POGK: variants seen among roughly 807,000 people sequenced by gnomAD.
The protein encoded by POGK is pogo transposable element derived with KRAB domain, also known as pogo transposable element with KRAB domain.
A neutral mutation model predicts 54.4 loss-of-function variants in POGK; 16 were observed. That is an observed-to-expected ratio of 0.29 (90% confidence interval 0.20 to 0.45). POGK has a LOEUF of 0.45. Among genes scored for constraint, POGK ranks in the 20% least tolerant of loss-of-function variants. The probability of loss-of-function intolerance (pLI) is 1.00; values close to 1 mark genes in which losing one functional copy is unlikely to be tolerated. For missense variants in POGK, 515 were observed against 795.6 expected (o/e 0.65, Z 4.24); for synonymous variants, 271 against 302.2 (o/e 0.90, Z 1.07).
rs962868946 is a variant in POGK, at chr1:166,849,161, G to C, written c.582G>C (p.Arg194=). Residue 194 remains arginine, a synonymous_variant, in exon 5 of 6, where the codon CGG becomes CGC. Transcript: ENST00000367876. ...TAGCTGGGAAGTTTCAGTTCAGCCG[G>C]GGCATGCGCCGCAGTTACGACGCAG... is the stretch of plus-strand genomic sequence containing the variant. ...DDIAGKFQFS[R]GMRRSYDAGF... is the part of the protein sequence containing the mutation. 3.1e-6 allele frequency: 5 copies of C among 1,614,078 alleles called. No homozygotes were observed. Among genetic ancestry groups the C allele is most frequent in the Non-Finnish European group, 3.4e-6 (4 of 1,180,046 alleles).
rs1161689476 is a variant in POGK, at chr1:166,854,596, TTC to T, written c.*2027_*2028del. 6.6e-6 allele frequency: 1 copy of T among 152,210 alleles called. No homozygotes were observed. The highest frequency in any genetic ancestry group is 2.4e-5 in the African/African-American group (1 of 41,442). The allele number at this position is 152,210 out of a possible 1,614,324, so 9.4% of individuals were successfully genotyped here. On this transcript the variant is annotated 3_prime_UTR_variant, in exon 6 of 6. Transcript: ENST00000367876. ...TATTACATCTTTCAGTCAAAAAGTG[TTC>T]ATGAGATGCAGTGTAAGTAATATTG...
At position 166,850,000 on chromosome 1, in the gene POGK, G is replaced by A. The variant is rs755306447; in HGVS notation, c.1421G>A (p.Arg474Gln). The A allele has an allele frequency of 2.5e-6, 4 of 1,614,190 alleles. No individual in the cohort carries two copies. Among genetic ancestry groups the A allele is most frequent in the Non-Finnish European group, 2.5e-6 (3 of 1,180,030 alleles). ...GGGATGCTGATCTTGAATGGCTTCC[G>A]GGGCCATGCCACAGATTCCGTGAAG... is the stretch of plus-strand genomic sequence containing the variant. ...QRGMLILNGF[R>Q]GHATDSVKNS... The change falls in exon 5 of 6, where the codon CGG (arginine) becomes CAG (glutamine). Residue 474 changes from arginine to glutamine, a missense_variant. Arg to Gln is a conservative substitution (Grantham distance 43). Transcript: ENST00000367876.
Position 166,855,912 on chromosome 1 carries a change from T to A in POGK, c.*3342T>A, listed in dbSNP as rs1379842779. 1 of 152,266 alleles carries A rather than the reference T, an allele frequency of 6.6e-6. No individual in the cohort carries two copies. Among genetic ancestry groups the A allele is most frequent in the East Asian group, 1.9e-4 (1 of 5,202 alleles). The allele number at this position is 152,266 out of a possible 1,614,324, so 9.4% of individuals were successfully genotyped here. On this transcript the variant is annotated 3_prime_UTR_variant, in exon 6 of 6. Coordinates refer to ENST00000367876, the MANE Select transcript of POGK (RefSeq NM_017542.5). The stretch of plus-strand genomic sequence containing the variant: ...AAAAAACTATATTCGAGTATCAGTT[T>A]AAATTCTTCCAAGCCCTAAAAATTC...
chr1:166,847,610 G>A lies in POGK; in HGVS notation c.358+18G>A, dbSNP rs778792319. The A allele has an allele frequency of 1.4e-5, 22 of 1,585,916 alleles. No individual in the cohort carries two copies. The highest frequency in any genetic ancestry group is 3.4e-5 in the Admixed American group (2 of 59,630). The stretch of plus-strand genomic sequence containing the variant: ...CTCTGCAGGTACTACAAGTAAAGCA[G>A]TTCAGCGTCCATCCAGCTGGGAACA... On this transcript the variant is annotated intron_variant, in intron 4 of 5. Transcript: ENST00000367876.
chr1:166,850,558 A>C, intron 5 of POGK, 135 bp downstream of exon 5: 1 of 916,274 alleles, frequency 1.1e-6, no homozygotes, highest in Non-Finnish European at 1.5e-6. Flanking sequence ...GGGGTCCCCA[A>C]CCCCCAGGTC....
At position 166,849,192 on chromosome 1, in the gene POGK, A is replaced by G. The variant is rs1489715565; in HGVS notation, c.613A>G (p.Lys205Glu). ...GCGCCGCAGTTACGACGCAGGGTTC[A>G]AGCTGATGGTAGTGGAATATGCTGA... ...GMRRSYDAGF[K>E]LMVVEYAEST... Residue 205 changes from lysine to glutamate, a missense_variant, in exon 5 of 6, where the codon AAG becomes GAG. Coordinates refer to ENST00000367876, the MANE Select transcript of POGK (RefSeq NM_017542.5). 6.2e-7 allele frequency: 1 copy of G among 1,614,106 alleles called. No individual in the cohort carries two copies. The highest frequency in any genetic ancestry group is 8.5e-7 in the Non-Finnish European group (1 of 1,180,052).
chr1:166,843,110 GAGTCTT>G (rs1657607667), intron 2 of POGK, among the ~76,000 whole-genome samples: 1 of 152,200 alleles, frequency 6.6e-6, no homozygotes, highest in Non-Finnish European at 1.5e-5. Context: ...GCTTTGAACT[GAGTCTT>G]AGTCATTATG....
chr1:166,850,466 T>C, intron 5 of POGK, 43 bp downstream of exon 5: 5 of 1,530,874 alleles, frequency 3.3e-6, no homozygotes, highest in Non-Finnish European at 2.6e-6. Flanking sequence ...TGCTGACATG[T>C]CTGTGTTCTA....
intron 2 of POGK, 74 bp from the exon 3 acceptor site, chr1:166,846,538 A>G: frequency 6.3e-7 from 1 of 1,584,740 alleles, no homozygotes; most frequent in Non-Finnish European, 8.6e-7. Context: ...GGCTGTCTGT[A>G]AGGTCCTGTC....
intron 2 of POGK, among the ~76,000 whole-genome samples, chr1:166,843,044 A>C (rs1348373560): frequency 1.3e-5 from 2 of 152,272 alleles, no homozygotes; most frequent in Non-Finnish European, 2.9e-5. Context: ...TATTAGGATA[A>C]AATTCCATAG....
rs1332072411 is a variant in POGK, at chr1:166,850,260, G to A, written c.1681G>A (p.Glu561Lys). 1 of 1,568,178 alleles carries A rather than the reference G, an allele frequency of 6.4e-7. No individual in the cohort carries two copies. Among genetic ancestry groups the A allele is most frequent in the Non-Finnish European group, 8.7e-7 (1 of 1,155,338 alleles). ...VMVAWNSISS[E>K]SIVQGFKKCH... ...GGTCGCGTGGAATAGCATCTCAAGT[G>A]AGTCCATCGTCCAAGGGTTCAAGAA... The change falls in exon 5 of 6, where the codon GAG becomes AAG. Residue 561 changes from glutamate to lysine, a missense_variant. By Grantham distance (56) the Glu-to-Lys change is moderately conservative. Coordinates refer to ENST00000367876, the MANE Select transcript of POGK (RefSeq NM_017542.5).
intron 2 of POGK, among the ~76,000 whole-genome samples, chr1:166,843,669 C>T (rs781269071): frequency 5.3e-5 from 8 of 152,202 alleles, no homozygotes; most frequent in Non-Finnish European, 7.3e-5. Flanking sequence ...CCCCTTCCCC[C>T]GAGATCCCTG....
Position 166,854,861 on chromosome 1 carries a change from G to A in POGK, c.*2291G>A, listed in dbSNP as rs1427209534. On this transcript the variant is annotated 3_prime_UTR_variant, in exon 6 of 6. Transcript: ENST00000367876. ...TTACAGTGCCCATAAAGTAGTAGTT[G>A]ATTCTCCAGGAATAATCTGGCAGTG... The A allele has an allele frequency of 6.6e-6, 1 of 151,584 alleles. No homozygotes were observed. The highest frequency in any genetic ancestry group is 2.4e-5 in the African/African-American group (1 of 40,850). The allele number at this position is 151,584 out of a possible 1,614,324, so 9.4% of individuals were successfully genotyped here.
rs1658246682 is a variant in POGK, at chr1:166,855,597, G to A, written c.*3027G>A. 6.6e-6 allele frequency: 1 copy of A among 152,332 alleles called. No individual in the cohort carries two copies. The highest frequency in any genetic ancestry group is 1.5e-5 in the Non-Finnish European group (1 of 68,124). 9.4% of individuals were successfully genotyped at this position (152,332 alleles called of 1,614,324 possible). On this transcript the variant is annotated 3_prime_UTR_variant, in exon 6 of 6. Transcript: ENST00000367876. ...TGGCATGGAGAGCAGATAGTAGAGT[G>A]TAGACCTGAAATACATGAGGCAAAG...
rs1179006073 is a variant in POGK, at chr1:166,839,562, G to C, written c.-45G>C. 6.6e-6 allele frequency: 1 copy of C among 150,568 alleles called. No homozygotes were observed. Among genetic ancestry groups the C allele is most frequent in the South Asian group, 2.1e-4 (1 of 4,824 alleles). The allele number at this position is 150,568 out of a possible 1,614,324, so 9.3% of individuals were successfully genotyped here. On this transcript the variant is annotated 5_prime_UTR_variant, in exon 1 of 6. Coordinates refer to ENST00000367876, the MANE Select transcript of POGK (RefSeq NM_017542.5). The stretch of plus-strand genomic sequence containing the variant: ...ATGGCGCTGTGACAGCCGGGCCGGA[G>C]CCCTCGCGTCCCCACCCCGCGCCCT...
Position 166,853,486 on chromosome 1 carries a change from G to A in POGK, c.*916G>A, listed in dbSNP as rs992215910. ...TTAATTTCTTTAATATTTTTATCAC[G>A]GGGCAGTGGGAGGGCTTGGGCTTTT... On this transcript the variant is annotated 3_prime_UTR_variant, in exon 6 of 6. Coordinates refer to ENST00000367876, the MANE Select transcript of POGK (RefSeq NM_017542.5). 5 of 152,494 alleles carry A rather than the reference G, an allele frequency of 3.3e-5. No individual in the cohort carries two copies. Among genetic ancestry groups the A allele is most frequent in the Admixed American group, 6.5e-5 (1 of 15,270 alleles). The allele number at this position is 152,494 out of a possible 1,614,324, so 9.4% of individuals were successfully genotyped here.
Position 166,842,839 on chromosome 1 carries a change from A to C in POGK, c.132+1751A>C, listed in dbSNP as rs867781387. On this transcript the variant is annotated intron_variant, in intron 2 of 5. Transcript: ENST00000367876. ...TCTACAGTGCACAGGATGCCCCCCC[A>C]CCACCACACACACACACACATACAC... is the stretch of plus-strand genomic sequence containing the variant. Among the ~76,000 whole-genome samples the C allele has an allele frequency of 4.1e-3, 621 of 152,080 alleles. 2 individuals carry two copies. The highest frequency in any genetic ancestry group is 0.011 in the African/African-American group (441 of 41,456).
chr1:166,844,495 A>G (rs1657754003), intron 2 of POGK, among the ~76,000 whole-genome samples: 1 of 152,166 alleles, frequency 6.6e-6, no homozygotes, highest in Non-Finnish European at 1.5e-5. Flanking sequence ...AGACGAATCC[A>G]TTTTACCTCC....
In POGK at chr1:166,848,981, A is replaced by C. The variant is rs1261181229; in HGVS notation, c.402A>C (p.Pro134=). Residue 134 remains proline (P), a synonymous_variant, in exon 5 of 6, where the codon CCA becomes CCC. Transcript: ENST00000367876. ...TAAAGCCTCCAGACTGGCCAAACCC[A>C]ATGAATGCTACCTCCCAGTTTCCTC... is the stretch of plus-strand genomic sequence containing the variant. The part of the protein sequence containing the change: ...SDVKPPDWPN[P]MNATSQFPQP... 1 of 1,613,502 alleles carries C rather than the reference A, an allele frequency of 6.2e-7. No homozygotes were observed. Among genetic ancestry groups the C allele is most frequent in the African/African-American group, 1.3e-5 (1 of 75,010 alleles).
Sources: allele counts gnomAD v4.1 joint callset (sites outside exome capture counted in the v4.1 genomes callset), GRCh38; gene constraint gnomAD v4.1.1; transcripts MANE v1.5; gene names NCBI Gene and HGNC (gene_info 2026-07-23, HGNC 2026-07-21).